AGO3: variants seen among roughly 807,000 people sequenced by gnomAD.
AGO3 encodes argonaute RISC catalytic component 3, also known as protein argonaute-3.
In AGO3, 16 loss-of-function variants were observed where a neutral mutation model predicts 105.5. The observed-to-expected ratio is 0.15, with a 90% confidence interval of 0.10 to 0.23. The LOEUF is 0.23. AGO3 is among the 10% of genes least tolerant of loss of function. AGO3 has a pLI of 1.00. For missense variants in AGO3, 534 were observed against 1,088.0 expected (o/e 0.49, Z 7.16); for synonymous variants, 340 against 367.3 (o/e 0.93, Z 0.85).
chr1:35,975,547 G>T (rs709309), intron 5 of AGO3, among the ~76,000 whole-genome samples: 34,663 of 151,476 alleles, frequency 0.23, 6,489 homozygotes, highest in East Asian at 0.68. Context: ...TGTTTTTTTT[G>T]TTGTTGTTTT....
chr1:35,987,072 A>G (rs1290090111), intron 5 of AGO3, among the ~76,000 whole-genome samples: 3 of 151,608 alleles, frequency 2.0e-5, no homozygotes, highest in Non-Finnish European at 2.9e-5. Flanking sequence ...TCATGCCTGT[A>G]ACCCTAGCAC....
intron 2 of AGO3, among the ~76,000 whole-genome samples, chr1:35,959,283 G>A (rs1210096268): frequency 2.0e-5 from 3 of 152,100 alleles, no homozygotes; most frequent in African/African-American, 7.2e-5. Flanking sequence ...TTGAAGTAAG[G>A]GTGGTAGGAT....
intron 11 of AGO3, among the ~76,000 whole-genome samples, chr1:36,022,543 T>G (rs1456899589): frequency 1.3e-5 from 2 of 152,080 alleles, no homozygotes; most frequent in African/African-American, 4.8e-5. Flanking sequence ...CTTCAGAAAT[T>G]AAGGATCCCA....
At chr1:35,940,062 TA>T (rs904027812) in intron 1 of AGO3, among the ~76,000 whole-genome samples, 8 of 151,636 alleles carry the variant, frequency 5.3e-5, no homozygotes, top group East Asian at 1.9e-4. Flanking sequence ...CTGTTTGCCT[TA>T]AAAAAAAATT....
chr1:36,054,077 T>TC (rs1040688946), intron 17 of AGO3, among the ~76,000 whole-genome samples: 1 of 151,966 alleles, frequency 6.6e-6, no homozygotes, highest in African/African-American at 2.4e-5. Flanking sequence ...GCTTGAGCTG[T>TC]CCTCCCACCT....
rs774821144 is a variant in AGO3, at chr1:36,040,459, G to A, written c.2172+18G>A. 6.2e-7 allele frequency: 1 copy of A among 1,613,558 alleles called. No individual in the cohort carries two copies. Among genetic ancestry groups the A allele is most frequent in the South Asian group, 1.1e-5 (1 of 90,980 alleles). On this transcript the variant is annotated intron_variant, in intron 16 of 18. Coordinates refer to ENST00000373191, the MANE Select transcript of AGO3 (RefSeq NM_024852.4). ...CAGAAAGGGTAATCTCACCTCTGTT[G>A]TAATACTGTTATAAACCAAGCTTAT...
At chr1:36,048,275 C>A (rs1262292872) in intron 17 of AGO3, among the ~76,000 whole-genome samples, 1 of 151,896 alleles carries the variant, frequency 6.6e-6, no homozygotes, top group Non-Finnish European at 1.5e-5. Context: ...CGGAGTGAGA[C>A]CCTGTCTCAA....
At chr1:35,969,877 A>G (rs1261209712) in intron 3 of AGO3, among the ~76,000 whole-genome samples, 1 of 152,254 alleles carries the variant, frequency 6.6e-6, no homozygotes, top group Non-Finnish European at 1.5e-5. Flanking sequence ...AAACGTATCT[A>G]ACTATAGAAA....
rs869042055 is a variant in AGO3 at position 36,022,934 on chromosome 1, AAAAAAAAAAAC to A, written c.1407-4169_1407-4159del. On this transcript the variant is annotated intron_variant, in intron 11 of 18. Coordinates refer to ENST00000373191, the MANE Select transcript of AGO3 (RefSeq NM_024852.4). ...GAGACTCCGTCTCAAAAAAAAAAACAAAAAAAAAAACAAAAAAAAAAGAGAAACAAAGGGCA... is the reference window on the plus strand; with the variant it reads ...GAGACTCCGTCTCAAAAAAAAAAACAAAAAAAAAAAGAGAAACAAAGGGCA... 1.6e-3 allele frequency among the ~76,000 whole-genome samples: 207 copies of A among 127,872 alleles called. 1 individual carries two copies. Among genetic ancestry groups the A allele is most frequent in the Middle Eastern group, 0.014 (4 of 280 alleles). 83.9% of individuals were successfully genotyped at this position (127,872 alleles called of 152,430 possible). A position where few individuals can be genotyped will look rare whatever the true frequency, so the allele number is the denominator to read the frequency against.
At chr1:35,999,136 T>C (rs1038857599) in intron 5 of AGO3, among the ~76,000 whole-genome samples, 3 of 152,210 alleles carry the variant, frequency 2.0e-5, no homozygotes, top group African/African-American at 7.2e-5. Context: ...GTGGATCACC[T>C]GAGGTCAGGA....
At chr1:35,949,365 C>T (rs932641214) in intron 2 of AGO3, among the ~76,000 whole-genome samples, 25 of 152,204 alleles carry the variant, frequency 1.6e-4, no homozygotes, top group Admixed American at 1.3e-4. Context: ...ATTCCGTTTT[C>T]TTCAGCTGAC....
At chr1:35,994,393 C>A (rs1569669638) in intron 5 of AGO3, among the ~76,000 whole-genome samples, 1 of 152,142 alleles carries the variant, frequency 6.6e-6, no homozygotes, top group Admixed American at 6.6e-5. Context: ...ATTTCTTCAG[C>A]TAATTAAAAA....
At chr1:35,961,069 G>C (rs1255120486) in intron 2 of AGO3, among the ~76,000 whole-genome samples, 2 of 150,806 alleles carry the variant, frequency 1.3e-5, no homozygotes, top group African/African-American at 2.4e-5. Context: ...TCAGGCTCCC[G>C]AGTAGCTGGG....
intron 16 of AGO3, among the ~76,000 whole-genome samples, chr1:36,041,557 A>C (rs1642252821): frequency 6.6e-6 from 1 of 152,014 alleles, no homozygotes; most frequent in Admixed American, 6.6e-5. Flanking sequence ...ATGTTTTCTT[A>C]TCTGTGTGCA....
In AGO3 at chr1:35,933,640, CAAAAAAAAAAAAAA is replaced by C. The variant is rs34254758; in HGVS notation, c.19+2214_19+2227del. ...TGGGTGACGGAGCAAGACCCTGTCTCAAAAAAAAAAAAAAAAAAAAAAAAAAAAAAAATCATCAT... is the reference window on the plus strand; with the variant it reads ...TGGGTGACGGAGCAAGACCCTGTCTCAAAAAAAAAAAAAAAAAATCATCAT... On this transcript the variant is annotated intron_variant, in intron 1 of 18. Transcript: ENST00000373191. Among the ~76,000 whole-genome samples, 151 of 31,446 alleles carry C rather than the reference CAAAAAAAAAAAAAA, an allele frequency of 4.8e-3. 3 individuals are homozygous for C. The East Asian group carries it at 0.081, about 17-fold the overall frequency. The allele number at this position is 31,446 out of a possible 152,430, so 20.6% of individuals were successfully genotyped here.
chr1:35,953,548 C>CA (rs1267995218), intron 2 of AGO3, among the ~76,000 whole-genome samples: 1 of 146,056 alleles, frequency 6.8e-6, no homozygotes, highest in South Asian at 2.1e-4. Context: ...TTTTTTGAGA[C>CA]AGAGTCTTAC....
At chr1:35,947,329 T>C (rs902349160) in intron 2 of AGO3, among the ~76,000 whole-genome samples, 4 of 152,096 alleles carry the variant, frequency 2.6e-5, no homozygotes, top group Admixed American at 6.6e-5. Flanking sequence ...TGCTGTAGCC[T>C]CTACCTCTTT....
chr1:36,045,703 C>T (rs895551073), intron 17 of AGO3, among the ~76,000 whole-genome samples: 13 of 151,664 alleles, frequency 8.6e-5, no homozygotes, highest in Admixed American at 5.9e-4. Context: ...CCACCACACG[C>T]GGCTAATTTT....
intron 16 of AGO3, 107 bp downstream of exon 16, chr1:36,040,548 G>A: frequency 8.0e-7 from 1 of 1,246,142 alleles, no homozygotes; most frequent in Non-Finnish European, 1.1e-6. Flanking sequence ...CCAATATATA[G>A]TAGCAAATTT....
Sources: allele counts gnomAD v4.1 joint callset (sites outside exome capture counted in the v4.1 genomes callset), GRCh38; gene constraint gnomAD v4.1.1; transcripts MANE v1.5; gene names NCBI Gene and HGNC (gene_info 2026-07-23, HGNC 2026-07-21).